ABCB1: variants seen among roughly 807,000 people sequenced by gnomAD.
The protein encoded by ABCB1 is ATP binding cassette subfamily B member 1.
In ABCB1, 69 loss-of-function variants were observed where a neutral mutation model predicts 142.0. The ratio of observed to expected loss-of-function variants is 0.49; its 90% CI spans 0.40 to 0.59. The LOEUF (loss-of-function observed/expected upper bound fraction) is 0.59, where lower values mean the gene tolerates loss of function less well. Ranked by LOEUF, ABCB1 falls within the 20% of genes least tolerant of loss-of-function variation. The probability of loss-of-function intolerance (pLI) is 0.00; values close to 1 mark genes in which losing one functional copy is unlikely to be tolerated. For missense variants in ABCB1, 1,326 were observed against 1,554.7 expected (o/e 0.85, Z 2.47); for synonymous variants, 532 against 539.2 (o/e 0.99, Z 0.18).
intron 3 of ABCB1, among the ~76,000 whole-genome samples, chr7:87,586,810 C>T (rs1180744245): frequency 2.0e-5 from 3 of 152,032 alleles, no homozygotes; most frequent in Non-Finnish European, 4.4e-5. Context: ...TGGTTATTAC[C>T]AGTAATGAAT....
intron 27 of ABCB1, among the ~76,000 whole-genome samples, 192 bp downstream of exon 27, chr7:87,505,705 G>A (rs1313586145): frequency 6.6e-6 from 1 of 152,028 alleles, no homozygotes; most frequent in Non-Finnish European, 1.5e-5. Context: ...AAGCATATGT[G>A]CTCTAAGACT....
At chr7:87,689,396 G>A (rs920452331) in intron 1 of ABCB1, among the ~76,000 whole-genome samples, 1 of 152,056 alleles carries the variant, frequency 6.6e-6, no homozygotes, top group Non-Finnish European at 1.5e-5. Context: ...GCAATTTGCA[G>A]TACTTGTAAT....
At chr7:87,531,211 G>T in intron 21 of ABCB1, 83 bp downstream of exon 21, 1 of 1,157,364 alleles carries the variant, frequency 8.6e-7, no homozygotes, top group Non-Finnish European at 1.3e-6. Context: ...TTAGAGCATA[G>T]TAAGCAGTAG....
chr7:87,550,025 G>A lies in ABCB1; in HGVS notation c.1380C>T (p.Thr460=). 2 of 1,614,152 alleles carry A rather than the reference G, an allele frequency of 1.2e-6. No individual in the cohort carries two copies. Among genetic ancestry groups the A allele is most frequent in the East Asian group, 2.2e-5 (1 of 44,892 alleles). The part of the protein sequence containing the change: ...MVSVDGQDIR[T]INVRFLREII... ...TTTCCCGTAGAAACCTTACATTTAT[G>A]GTCCTAATATCCTGTCCATCAACAC... The change falls in exon 13 of 28, where the codon ACC becomes ACT. Residue 460 remains threonine, a synonymous_variant. Transcript: ENST00000622132.
intron 17 of ABCB1, among the ~76,000 whole-genome samples, chr7:87,542,960 C>T (rs1227733593): frequency 6.6e-6 from 1 of 152,198 alleles, no homozygotes; most frequent in Admixed American, 6.5e-5. Flanking sequence ...CAGAATCAGA[C>T]ATTTGATCAC....
chr7:87,566,890 CT>C lies in ABCB1; in HGVS notation c.424del (p.Arg142AspfsTer14). ...QVSFWCLAAGRQIHKIRKQFF... is the reference protein window; with the variant it reads ...QVSFWCLAAGXQIHKIRKQFF... ...CTGTTTTCTAATTTTGTGTATTTGT[CT>C]TCCAGCTGCCAGGCACCAAAATGAA... On this transcript the variant is annotated frameshift_variant, in exon 6 of 28. Transcript: ENST00000622132. LOFTEE classifies it high-confidence loss of function. 1 of 1,614,142 alleles carries C rather than the reference CT, an allele frequency of 6.2e-7. No individual in the cohort carries two copies. The highest frequency in any genetic ancestry group is 8.5e-7 in the Non-Finnish European group (1 of 1,180,028).
chr7:87,630,994 T>C (rs1408314325), intron 1 of ABCB1, among the ~76,000 whole-genome samples: 2 of 152,236 alleles, frequency 1.3e-5, no homozygotes, highest in African/African-American at 4.8e-5. Context: ...TACATAATTA[T>C]TATTTTCTAC....
chr7:87,626,346 C>CGT (rs1820531310), intron 1 of ABCB1, among the ~76,000 whole-genome samples: 1 of 25,652 alleles, frequency 3.9e-5, no homozygotes. Flanking sequence ...GTATATGTGT[C>CGT]ATATATATGT....
intron 8 of ABCB1, among the ~76,000 whole-genome samples, chr7:87,555,085 C>T (rs2129741163): frequency 6.6e-6 from 1 of 152,240 alleles, no homozygotes; most frequent in South Asian, 2.1e-4. Context: ...ATGTCTATAA[C>T]TCGACCTTCA....
chr7:87,648,727 A>C (rs1305069955), intron 1 of ABCB1, among the ~76,000 whole-genome samples: 2 of 152,184 alleles, frequency 1.3e-5, no homozygotes, highest in East Asian at 3.8e-4. Flanking sequence ...GGTTGTAAGA[A>C]AGTTTTTAAT....
At chr7:87,625,396 A>G (rs946374420) in intron 1 of ABCB1, among the ~76,000 whole-genome samples, 3 of 152,246 alleles carry the variant, frequency 2.0e-5, no homozygotes, top group Non-Finnish European at 4.4e-5. Flanking sequence ...TGAGGATATT[A>G]ACATCTCACT....
chr7:87,564,000 C>A (rs917718870), intron 7 of ABCB1: 3 of 279,166 alleles, frequency 1.1e-5, no homozygotes, highest in Admixed American at 4.7e-5. Flanking sequence ...ACAACACACA[C>A]TGGGGCCTAT....
intron 8 of ABCB1, among the ~76,000 whole-genome samples, chr7:87,557,481 TC>T (rs1339954480): frequency 6.6e-6 from 1 of 152,254 alleles, no homozygotes. Context: ...AAAATTAGTT[TC>T]AGTTCTCTGA....
At chr7:87,590,668 T>G (rs1818965543) in intron 3 of ABCB1, among the ~76,000 whole-genome samples, 1 of 152,180 alleles carries the variant, frequency 6.6e-6, no homozygotes, top group Admixed American at 6.5e-5. Context: ...GAATGAACAC[T>G]GTGGCAAGAG....
At position 87,566,180 on chromosome 7, in the gene ABCB1, C is replaced by T; in HGVS notation, c.592G>A (p.Ala198Thr). 6.2e-7 allele frequency: 1 copy of T among 1,614,092 alleles called. No individual in the cohort carries two copies. The highest frequency in any genetic ancestry group is 8.5e-7 in the Non-Finnish European group (1 of 1,179,978). Reference sequence around the variant, plus strand: ...ACTATAAACCCAGTGAAAAATGTTGCCATTGACTGAAAGAACATTCCAATT... The same window carrying T: ...ACTATAAACCCAGTGAAAAATGTTGTCATTGACTGAAAGAACATTCCAATT... Reference protein sequence around the residue: ...DKIGMFFQSMATFFTGFIVGF... With the variant: ...DKIGMFFQSMTTFFTGFIVGF... The change falls in exon 7 of 28, where the codon GCA becomes ACA. Residue 198 changes from alanine (A) to threonine (T), a missense_variant. Ala to Thr is a moderately conservative substitution (Grantham distance 58). Coordinates refer to ENST00000622132, the MANE Select transcript of ABCB1 (RefSeq NM_001348946.2).
intron 1 of ABCB1, among the ~76,000 whole-genome samples, chr7:87,645,813 G>A (rs1315283137): frequency 3.3e-5 from 5 of 152,170 alleles, no homozygotes; most frequent in Non-Finnish European, 7.3e-5. Flanking sequence ...AGAGAAGTGA[G>A]TATTGAGTGG....
chr7:87,628,073 A>G (rs541750017), intron 1 of ABCB1, among the ~76,000 whole-genome samples: 1 of 152,290 alleles, frequency 6.6e-6, no homozygotes, highest in South Asian at 2.1e-4. Context: ...CACTGAAGCT[A>G]CGGCAGCCAC....
rs548522391 is a variant in ABCB1, at chr7:87,559,370, T to C, written c.827+1893A>G. Reference sequence around the variant, plus strand: ...TATATCATGAGGGTTTTTAAATTTATTGGTATAAAGCTGCAATTTAAAAAT... The same window carrying C: ...TATATCATGAGGGTTTTTAAATTTACTGGTATAAAGCTGCAATTTAAAAAT... On this transcript the variant is annotated intron_variant, in intron 8 of 27. Transcript: ENST00000622132. 2.6e-5 allele frequency among the ~76,000 whole-genome samples: 4 copies of C among 152,224 alleles called. No individual in the cohort carries two copies. In the South Asian group the frequency reaches 8.3e-4, roughly 32 times the overall value.
intron 1 of ABCB1, among the ~76,000 whole-genome samples, chr7:87,625,256 C>CAA (rs533472824): frequency 7.3e-4 from 91 of 124,648 alleles, no homozygotes; most frequent in African/African-American, 2.3e-3. Context: ...GACTGCGTCT[C>CAA]AAAAAAAAAA....
Sources: allele counts gnomAD v4.1 joint callset (sites outside exome capture counted in the v4.1 genomes callset), GRCh38; gene constraint gnomAD v4.1.1; transcripts MANE v1.5; gene names NCBI Gene and HGNC (gene_info 2026-07-23, HGNC 2026-07-21).